LBP: variants seen among roughly 807,000 people sequenced by gnomAD.
The protein encoded by LBP is lipopolysaccharide-binding protein.
In LBP, 53 loss-of-function variants were observed where a neutral mutation model predicts 56.6. The observed-to-expected ratio is 0.94, with a 90% CI of 0.75 to 1.18. The LOEUF (loss-of-function observed/expected upper bound fraction) is 1.18. LBP is among the 50% of genes most tolerant of loss of function. LBP has a pLI of 0.00. For missense variants in LBP, 601 were observed against 598.3 expected, an observed-to-expected ratio of 1.00 and a Z score of -0.05; for synonymous variants, 227 against 247.5, an observed-to-expected ratio of 0.92 and a Z score of 0.78.
At chr20:38,366,924 A>G (rs1027530401) in intron 9 of LBP, 96 bp downstream of exon 9, 19 of 1,167,940 alleles carry the variant, frequency 1.6e-5, no homozygotes, top group Non-Finnish European at 2.2e-5. Flanking sequence ...CTTGACCAAG[A>G]GTGAGAAGGC....
At position 38,359,598 on chromosome 20, in the gene LBP, C is replaced by CA. The variant is rs111643275; in HGVS notation, c.589-1095dup. On this transcript the variant is annotated intron_variant, in intron 5 of 14. Transcript: ENST00000217407. ...CTGTGTCTCAAAAAACAAACAACAA[C>CA]AAAAAAAAAAACTCTTTTCTCAATG... 4.4e-3 allele frequency among the ~76,000 whole-genome samples: 643 copies of CA among 146,620 alleles called. 3 individuals carry two copies. The highest frequency in any genetic ancestry group is 0.011 in the African/African-American group (440 of 40,748).
At position 38,370,743 on chromosome 20, in the gene LBP, T is replaced by C. The variant is rs754128401; in HGVS notation, c.1155T>C (p.Thr385=). 1.2e-6 allele frequency: 2 copies of C among 1,614,002 alleles called. No homozygotes were observed. The highest frequency in any genetic ancestry group is 2.7e-5 in the African/African-American group (2 of 74,928). Residue 385 remains threonine, a synonymous_variant, in exon 11 of 15, where the codon ACT becomes ACC. Transcript: ENST00000217407. ...CCTTCTTCTGGCATTTCCAGGCCAC[T>C]AATGTGTCCGCCACCTTGACCTTCA... ...KEPVFRLSVA[T]NVSATLTFNT...
At chr20:38,365,804 A>G (rs1488854808) in intron 8 of LBP, among the ~76,000 whole-genome samples, 1 of 150,868 alleles carries the variant, frequency 6.6e-6, no homozygotes, top group Non-Finnish European at 1.5e-5. Flanking sequence ...TTTTCAGAGA[A>G]AAGGAAATAA....
At chr20:38,356,418 GCGCACACA>G (rs1230519378) in intron 5 of LBP, among the ~76,000 whole-genome samples, 2 of 48,920 alleles carry the variant, frequency 4.1e-5, no homozygotes, top group African/African-American at 2.5e-4. Context: ...CCACACACAC[GCGCACACA>G]CACACACACA....
chr20:38,376,554 T>G, intron 14 of LBP, 71 bp from the exon 15 acceptor site: 4 of 1,420,242 alleles, frequency 2.8e-6, no homozygotes, highest in Non-Finnish European at 4.0e-6. Context: ...TGGGCTCCCT[T>G]TCAATCGCAG....
In LBP at chr20:38,370,769, A is replaced by G. The variant is rs780507761; in HGVS notation, c.1181A>G (p.Asn394Ser). ...AATGTGTCCGCCACCTTGACCTTCA[A>G]TACCAGCAAGATCACTGGGTTCCTG... ...ATNVSATLTF[N>S]TSKITGFLKP... Residue 394 changes from asparagine to serine, a missense_variant, in exon 11 of 15, where the codon AAT (asparagine) becomes AGT (serine). Asn to Ser is a conservative substitution (Grantham distance 46). Transcript: ENST00000217407. 11 of 1,613,948 alleles carry G rather than the reference A, an allele frequency of 6.8e-6. No homozygotes were observed. The highest frequency in any genetic ancestry group is 4.4e-5 in the South Asian group (4 of 91,074).
intron 5 of LBP, among the ~76,000 whole-genome samples, chr20:38,360,182 G>A (rs1248089071): frequency 1.3e-5 from 2 of 151,032 alleles, no homozygotes; most frequent in African/African-American, 4.9e-5. Flanking sequence ...AACCCAGGAG[G>A]CAGAGGTTCA....
chr20:38,350,397 A>G (rs370151435), intron 2 of LBP, among the ~76,000 whole-genome samples: 109 of 152,244 alleles, frequency 7.2e-4, no homozygotes, highest in African/African-American at 2.5e-3. Flanking sequence ...TCTTCCCTGA[A>G]TCTGTTTCCC....
chr20:38,351,243 G>C (rs964271709), intron 3 of LBP, among the ~76,000 whole-genome samples: 1 of 152,216 alleles, frequency 6.6e-6, no homozygotes, highest in African/African-American at 2.4e-5. Context: ...TTTAGGGCAA[G>C]AATTCCAGTG....
intron 3 of LBP, 93 bp from the exon 4 acceptor site, chr20:38,354,191 T>C (rs2076830281): frequency 1.0e-6 from 1 of 1,004,790 alleles, no homozygotes; most frequent in Non-Finnish European, 1.5e-6. Flanking sequence ...GCTCCATGTA[T>C]TTGGAGGTCA....
At chr20:38,358,463 A>G (rs563140628) in intron 5 of LBP, among the ~76,000 whole-genome samples, 1 of 152,168 alleles carries the variant, frequency 6.6e-6, no homozygotes, top group South Asian at 2.1e-4. Context: ...GGATGGTCTG[A>G]TGGGCTACTG....
At chr20:38,350,655 C>T (rs2076817205) in intron 2 of LBP, among the ~76,000 whole-genome samples, 156 bp from the exon 3 acceptor site, 1 of 152,240 alleles carries the variant, frequency 6.6e-6, no homozygotes, top group South Asian at 2.1e-4. Context: ...ACGTGCTTAG[C>T]ATGGTCATAA....
At chr20:38,360,682 A>G in intron 5 of LBP, 22 bp from the exon 6 acceptor site, 1 of 1,581,790 alleles carries the variant, frequency 6.3e-7, no homozygotes, top group Non-Finnish European at 8.7e-7. Context: ...TCACTCAGTC[A>G]TTCTCTTCCC....
intron 14 of LBP, 103 bp from the exon 15 acceptor site, chr20:38,376,522 A>G: frequency 9.6e-7 from 1 of 1,043,332 alleles, no homozygotes; most frequent in South Asian, 1.3e-5. Flanking sequence ...GGATTCTGGC[A>G]GAGCTTGTGT....
At chr20:38,356,117 CA>C (rs2122602607) in intron 5 of LBP, among the ~76,000 whole-genome samples, 1 of 127,028 alleles carries the variant, frequency 7.9e-6, no homozygotes, top group African/African-American at 3.0e-5. Flanking sequence ...AGCACACACA[CA>C]CCACACACAC....
intron 1 of LBP, among the ~76,000 whole-genome samples, chr20:38,347,629 G>C (rs1328979067): frequency 6.6e-6 from 1 of 152,182 alleles, no homozygotes; most frequent in Non-Finnish European, 1.5e-5. Flanking sequence ...CGACTATCCA[G>C]GTGGCATGGG....
chr20:38,347,286 G>A (rs1024679107), intron 1 of LBP, among the ~76,000 whole-genome samples: 4 of 152,244 alleles, frequency 2.6e-5, no homozygotes, highest in Non-Finnish European at 5.9e-5. Flanking sequence ...GCTCACGCCT[G>A]TAATCCCAGC....
At chr20:38,356,987 A>G (rs2076843761) in intron 5 of LBP, among the ~76,000 whole-genome samples, 2 of 152,026 alleles carry the variant, frequency 1.3e-5, no homozygotes, top group South Asian at 2.1e-4. Context: ...TCCCGAGTAT[A>G]TGAGACCACA....
chr20:38,364,501 T>G, intron 7 of LBP, 75 bp from the exon 8 acceptor site: 1 of 1,379,984 alleles, frequency 7.2e-7, no homozygotes, highest in African/African-American at 1.4e-5. Context: ...TTCATCGGAC[T>G]GTGTAGGGGA....
Sources: allele counts gnomAD v4.1 joint callset (sites outside exome capture counted in the v4.1 genomes callset), GRCh38; gene constraint gnomAD v4.1.1; transcripts MANE v1.5; gene names NCBI Gene and HGNC (gene_info 2026-07-23, HGNC 2026-07-21).